The following ADGRL2 variants were observed in gnomAD, a reference collection of about 807,000 sequenced individuals.
The protein encoded by ADGRL2 is adhesion G protein-coupled receptor L2.
Under a neutral mutation model 157.4 loss-of-function variants are expected in ADGRL2, and 44 were observed. The observed-to-expected ratio is 0.28, with a 90% CI of 0.22 to 0.36. ADGRL2 has a LOEUF of 0.36. ADGRL2 is among the 10% of genes least tolerant of loss of function. ADGRL2 has a pLI of 1.00. For missense variants in ADGRL2, 1,510 were observed against 1,768.9 expected (o/e 0.85, Z 2.63); for synonymous variants, 585 against 624.7 (o/e 0.94, Z 0.95).
chr1:81,547,137 C>A (rs1465781468), intron 2 of ADGRL2, among the ~76,000 whole-genome samples: 1 of 152,196 alleles, frequency 6.6e-6, no homozygotes, highest in Non-Finnish European at 1.5e-5. Context: ...CACCTACTTT[C>A]AGCCAGATGC....
At chr1:81,695,088 T>C (rs1308759262), upstream of ADGRL2, among the ~76,000 whole-genome samples, 1 of 152,100 alleles carries the variant, frequency 6.6e-6, no homozygotes, top group Admixed American at 6.6e-5. Context: ...GTTATTCCTA[T>C]AAAATTCAGA....
intron 1 of ADGRL2, among the ~76,000 whole-genome samples, chr1:81,376,063 C>A (rs2076243602): frequency 6.6e-6 from 1 of 152,214 alleles, no homozygotes. Context: ...CTGACCCCTG[C>A]CACTCCTGGC....
At chr1:81,329,310 G>A (rs545213652) in intron 1 of ADGRL2, among the ~76,000 whole-genome samples, 1 of 151,946 alleles carries the variant, frequency 6.6e-6, no homozygotes, top group East Asian at 1.9e-4. Flanking sequence ...CCAATCCAAA[G>A]GCTCATCTTT....
At chr1:81,869,834 A>G (rs532723240) in intron 2 of ADGRL2, among the ~76,000 whole-genome samples, 7 of 152,070 alleles carry the variant, frequency 4.6e-5, no homozygotes, top group Non-Finnish European at 1.0e-4. Flanking sequence ...TGAGTCTTCA[A>G]TGCGGCCAAG....
intron 1 of ADGRL2, among the ~76,000 whole-genome samples, chr1:81,325,761 CCAGA>C (rs201426769): frequency 0.022 from 3,328 of 152,206 alleles, 45 homozygotes; most frequent in Middle Eastern, 0.048. Flanking sequence ...CCCAGCACTC[CCAGA>C]CAATCAATAC....
At chr1:81,463,114 CAAAAA>C (rs56920139) in intron 2 of ADGRL2, among the ~76,000 whole-genome samples, 19 of 93,746 alleles carry the variant, frequency 2.0e-4, no homozygotes, top group South Asian at 7.0e-4. Flanking sequence ...GACCATGTCT[CAAAAA>C]AAAAAAAAAA....
At chr1:81,582,340 C>T (rs922077703) in intron 3 of ADGRL2, among the ~76,000 whole-genome samples, 1 of 151,666 alleles carries the variant, frequency 6.6e-6, no homozygotes, top group Non-Finnish European at 1.5e-5. Flanking sequence ...AAATGGTTGC[C>T]GATTGATCAA....
At chr1:81,920,819 T>G (rs1221503079) in intron 3 of ADGRL2, among the ~76,000 whole-genome samples, 1 of 150,720 alleles carries the variant, frequency 6.6e-6, no homozygotes, top group Non-Finnish European at 1.5e-5. Flanking sequence ...GCTAATACAT[T>G]ATAGGAATCT....
chr1:81,863,644 A>G (rs565381081), intron 2 of ADGRL2, among the ~76,000 whole-genome samples: 71 of 152,270 alleles, frequency 4.7e-4, no homozygotes, highest in African/African-American at 1.4e-3. Flanking sequence ...TTGATTTAGT[A>G]TAAAGTGAGA....
intron 2 of ADGRL2, among the ~76,000 whole-genome samples, chr1:81,566,563 A>G (rs2148476640): frequency 6.6e-6 from 1 of 152,242 alleles, no homozygotes; most frequent in South Asian, 2.1e-4. Flanking sequence ...CTGTTCCACA[A>G]ATTTACTTGG....
chr1:81,591,667 T>C (rs2081136123), intron 3 of ADGRL2, among the ~76,000 whole-genome samples: 1 of 152,140 alleles, frequency 6.6e-6, no homozygotes, highest in South Asian at 2.1e-4. Context: ...AAAGTGACGG[T>C]ACATCACTTC....
rs563690713 is a variant in ADGRL2 at position 81,507,519 on chromosome 1, G to A, written c.-248+62430G>A. ...TGGTGACCACGTGTTTTGGAATTGC[G>A]TTACTCTCAAGTCCTCCATTTCACA... On this transcript the variant is annotated intron_variant, in intron 2 of 24. Coordinates refer to the ADGRL2 transcript ENST00000370721. Among the ~76,000 whole-genome samples the A allele has an allele frequency of 3.3e-5, 5 of 152,244 alleles. No individual in the cohort carries two copies. The South Asian group carries it at 1.0e-3, about 32-fold the overall frequency.
Position 81,888,491 on chromosome 1 carries a change from G to A in ADGRL2, c.74-18526G>A, listed in dbSNP as rs374172082. ...GTCTTGCTCTGTAACCCAGGCTGGA[G>A]CGCAGTGGTGCAATCTCGCTCACTG... On this transcript the variant is annotated intron_variant, in intron 2 of 23. Transcript: ENST00000686636. Among the ~76,000 whole-genome samples the A allele has an allele frequency of 4.6e-5, 7 of 152,152 alleles. No homozygotes were observed. The East Asian group carries it at 1.2e-3, about 25-fold the overall frequency.
At chr1:81,538,522 T>A (rs6663174) in intron 2 of ADGRL2, among the ~76,000 whole-genome samples, 10,500 of 152,236 alleles carry the variant, frequency 0.069, 638 homozygotes, top group African/African-American at 0.16. Flanking sequence ...TTCATGGTAG[T>A]TGTTCAGGCA....
At chr1:81,923,420 T>C (rs2095034359) in intron 3 of ADGRL2, among the ~76,000 whole-genome samples, 1 of 152,156 alleles carries the variant, frequency 6.6e-6, no homozygotes, top group African/African-American at 2.4e-5. Context: ...GCCATCTCTT[T>C]ATAAAAGTCT....
At chr1:81,838,043 G>A (rs2150218683) in intron 2 of ADGRL2, among the ~76,000 whole-genome samples, 1 of 152,052 alleles carries the variant, frequency 6.6e-6, no homozygotes, top group Non-Finnish European at 1.5e-5. Context: ...GATTTTATAT[G>A]TACTTTTAAG....
At chr1:81,418,183 A>AAAAC (rs902390346) in intron 1 of ADGRL2, among the ~76,000 whole-genome samples, 4 of 151,512 alleles carry the variant, frequency 2.6e-5, no homozygotes, top group African/African-American at 9.7e-5. Context: ...CTGCACACTC[A>AAAAC]AAACAAACAA....
intron 2 of ADGRL2, among the ~76,000 whole-genome samples, chr1:81,896,765 C>T (rs541923648): frequency 6.6e-6 from 1 of 152,214 alleles, no homozygotes; most frequent in South Asian, 2.1e-4. Context: ...TGTTGAAAAG[C>T]TCAGAGTCCA....
chr1:81,673,293 T>C (rs925882629), intron 3 of ADGRL2, among the ~76,000 whole-genome samples: 3 of 152,166 alleles, frequency 2.0e-5, no homozygotes, highest in African/African-American at 7.2e-5. Context: ...CCCTCATTCA[T>C]ACCTACCTTT....
Sources: allele counts gnomAD v4.1 joint callset (sites outside exome capture counted in the v4.1 genomes callset), GRCh38; gene constraint gnomAD v4.1.1; transcripts MANE v1.5; gene names NCBI Gene and HGNC (gene_info 2026-07-23, HGNC 2026-07-21).